ZNRF2: variants seen among roughly 807,000 people sequenced by gnomAD.
ZNRF2 encodes the protein zinc and ring finger 2.
ZNRF2 carries 16 observed loss-of-function variants against 20.4 expected under a neutral mutation model. The ratio of observed to expected loss-of-function variants is 0.79; its 90% CI spans 0.53 to 1.19. ZNRF2 has a LOEUF of 1.19. Ranked by LOEUF, ZNRF2 falls within the 50% of genes most tolerant of loss-of-function variation. The pLI, the probability that ZNRF2 is intolerant of heterozygous loss-of-function variation, is 0.00. For synonymous variants in ZNRF2, 178 were observed against 144.9 expected (o/e 1.23, Z -1.64); for missense variants, 363 against 332.4 (o/e 1.09, Z -0.72).
intron 1 of ZNRF2, among the ~76,000 whole-genome samples, chr7:30,313,176 G>A (rs1799317189): frequency 6.6e-6 from 1 of 152,170 alleles, no homozygotes; most frequent in Non-Finnish European, 1.5e-5. Context: ...GGGACATTGA[G>A]CTTAATTGAG....
chr7:30,287,702 C>T (rs1258811686), intron 1 of ZNRF2, among the ~76,000 whole-genome samples: 1 of 151,684 alleles, frequency 6.6e-6, no homozygotes, highest in Non-Finnish European at 1.5e-5. Flanking sequence ...TGACTGGGGC[C>T]TAGTAGTACA....
intron 1 of ZNRF2, among the ~76,000 whole-genome samples, chr7:30,302,896 T>G (rs988289279): frequency 1.1e-4 from 17 of 152,080 alleles, no homozygotes; most frequent in African/African-American, 3.6e-4. Flanking sequence ...TCAATGAAAG[T>G]TTATCCTGTA....
chr7:30,287,143 T>A (rs762534459), intron 1 of ZNRF2, among the ~76,000 whole-genome samples: 1 of 152,370 alleles, frequency 6.6e-6, no homozygotes, highest in Non-Finnish European at 1.5e-5. Flanking sequence ...GGGCTATTTT[T>A]AAAAGTCATT....
intron 1 of ZNRF2, among the ~76,000 whole-genome samples, chr7:30,317,078 A>G (rs1799387037): frequency 6.6e-6 from 1 of 152,210 alleles, no homozygotes; most frequent in African/African-American, 2.4e-5. Flanking sequence ...TCCTGCAAGC[A>G]GTGCTTATAA....
chr7:30,340,204 T>A (rs2127951800), intron 2 of ZNRF2, among the ~76,000 whole-genome samples: 1 of 152,312 alleles, frequency 6.6e-6, no homozygotes, highest in East Asian at 1.9e-4. Flanking sequence ...CAGAGACAAT[T>A]TGACTTCCTC....
rs1196493081 is a variant in ZNRF2 at position 30,343,269 on chromosome 7, C to T, written c.566-12459C>T. Among the ~76,000 whole-genome samples the T allele has an allele frequency of 3.9e-5, 6 of 152,032 alleles. No homozygotes were observed. In the South Asian group the frequency reaches 6.2e-4, roughly 16 times the overall value. The stretch of plus-strand genomic sequence containing the variant: ...ATTGGAGGCTGCAGTGAGCTATAAT[C>T]GCACCACTACACCTCAGCCTGGATG... On this transcript the variant is annotated intron_variant, in intron 2 of 4. Coordinates refer to ENST00000323037, the MANE Select transcript of ZNRF2 (RefSeq NM_147128.4).
At chr7:30,319,130 C>T (rs1038874408) in intron 1 of ZNRF2, among the ~76,000 whole-genome samples, 17 of 151,532 alleles carry the variant, frequency 1.1e-4, no homozygotes, top group Middle Eastern at 3.4e-3. Context: ...AAAAAAATGT[C>T]GTTTTAGAAC....
At chr7:30,356,939 G>T (rs183416115) in intron 3 of ZNRF2, among the ~76,000 whole-genome samples, 3 of 151,994 alleles carry the variant, frequency 2.0e-5, no homozygotes, top group Non-Finnish European at 2.9e-5. Flanking sequence ...TCTCCTGACC[G>T]CATGATGTGC....
At chr7:30,308,305 C>A (rs1168344730) in intron 1 of ZNRF2, among the ~76,000 whole-genome samples, 1 of 152,122 alleles carries the variant, frequency 6.6e-6, no homozygotes, top group African/African-American at 2.4e-5. Flanking sequence ...ATTTTTTCAA[C>A]CATTCCATTG....
At chr7:30,293,492 G>A (rs996492465) in intron 1 of ZNRF2, among the ~76,000 whole-genome samples, 1 of 151,984 alleles carries the variant, frequency 6.6e-6, no homozygotes, top group African/African-American at 2.4e-5. Flanking sequence ...CAAGTGATTC[G>A]CCCACCTCAG....
chr7:30,301,699 T>C lies in ZNRF2; in HGVS notation c.469+15873T>C, dbSNP rs866747663. ...GGACTACAGGATAATGAGGCTTTTT[T>C]TAAAAAAAAAAAAAAAAAAAAAAAC... On this transcript the variant is annotated intron_variant, in intron 1 of 4. Coordinates refer to ENST00000323037, the MANE Select transcript of ZNRF2 (RefSeq NM_147128.4). 1.1e-4 allele frequency among the ~76,000 whole-genome samples: 14 copies of C among 126,366 alleles called. No homozygotes were observed. The South Asian group carries it at 3.5e-3, about 32-fold the overall frequency. The allele number at this position is 126,366 out of a possible 152,430, so 82.9% of individuals were successfully genotyped here.
intron 1 of ZNRF2, among the ~76,000 whole-genome samples, chr7:30,305,945 T>C (rs1799193935): frequency 6.6e-6 from 1 of 152,186 alleles, no homozygotes. Context: ...GGGTATCTTA[T>C]TTATTACTGT....
chr7:30,331,183 T>G (rs1799630649), intron 2 of ZNRF2, among the ~76,000 whole-genome samples: 1 of 152,154 alleles, frequency 6.6e-6, no homozygotes. Context: ...ATTCCTGTAC[T>G]AACATACAGT....
intron 1 of ZNRF2, among the ~76,000 whole-genome samples, chr7:30,286,947 G>T (rs572821237): frequency 2.0e-5 from 3 of 152,218 alleles, no homozygotes; most frequent in South Asian, 2.1e-4. Flanking sequence ...TAATTTATCC[G>T]TTCTCATGTT....
At chr7:30,287,221 C>T (rs1798808155) in intron 1 of ZNRF2, among the ~76,000 whole-genome samples, 1 of 152,166 alleles carries the variant, frequency 6.6e-6, no homozygotes, top group Non-Finnish European at 1.5e-5. Context: ...ACTAACCTAA[C>T]AGTTGAAGTT....
chr7:30,363,543 C>T (rs1800161464), intron 4 of ZNRF2, among the ~76,000 whole-genome samples: 1 of 152,124 alleles, frequency 6.6e-6, no homozygotes, highest in African/African-American at 2.4e-5. Flanking sequence ...CAAACAGTCG[C>T]ATCATAAATT....
intron 2 of ZNRF2, among the ~76,000 whole-genome samples, chr7:30,354,124 G>T (rs909110092): frequency 6.6e-6 from 1 of 151,980 alleles, no homozygotes; most frequent in Non-Finnish European, 1.5e-5. Context: ...TGCAGGATGG[G>T]GTAGGAGTAG....
rs1269938079 is a variant in ZNRF2, at chr7:30,367,244, T to G, written c.*1232T>G. On this transcript the variant is annotated 3_prime_UTR_variant, in exon 5 of 5. Coordinates refer to ENST00000323037, the MANE Select transcript of ZNRF2 (RefSeq NM_147128.4). The stretch of plus-strand genomic sequence containing the variant: ...ATGTTATAGACACTTTTAAATTCAG[T>G]TTGTGTAGAAAGAAATGTGTTAAAC... 6.6e-6 allele frequency: 1 copy of G among 152,486 alleles called. No homozygotes were observed. The highest frequency in any genetic ancestry group is 2.4e-5 in the African/African-American group (1 of 41,450). 9.4% of individuals were successfully genotyped at this position (152,486 alleles called of 1,614,324 possible). A position where few individuals can be genotyped will look rare whatever the true frequency, so the allele number is the denominator to read the frequency against.
intron 2 of ZNRF2, among the ~76,000 whole-genome samples, chr7:30,334,562 A>G (rs919379132): frequency 3.3e-5 from 5 of 152,178 alleles, no homozygotes; most frequent in African/African-American, 1.2e-4. Context: ...GAATGTGTAG[A>G]TTGCTTTGGG....
Sources: allele counts gnomAD v4.1 joint callset (sites outside exome capture counted in the v4.1 genomes callset), GRCh38; gene constraint gnomAD v4.1.1; transcripts MANE v1.5; gene names NCBI Gene and HGNC (gene_info 2026-07-23, HGNC 2026-07-21).